The following RANBP2 variants were observed in gnomAD, a reference collection of about 807,000 sequenced individuals.
The protein encoded by RANBP2 is RAN binding protein 2.
Under a neutral mutation model 303.6 loss-of-function variants are expected in RANBP2, and 57 were observed. The observed-to-expected ratio is 0.19, with a 90% CI of 0.15 to 0.23. The LOEUF is 0.23. Among genes scored for constraint, RANBP2 ranks in the 10% least tolerant of loss-of-function variants. The pLI, the probability that RANBP2 is intolerant of heterozygous loss-of-function variation, is 1.00. For synonymous variants in RANBP2, 1,167 were observed against 1,301.5 expected (o/e 0.90, Z 2.23); for missense variants, 3,138 against 3,780.8 (o/e 0.83, Z 4.46).
At chr2:109,501,320 T>G in the RANBP2 span, among the ~76,000 whole-genome samples, 1 of 152,124 alleles carries the variant, frequency 6.6e-6, no homozygotes, top group Non-Finnish European at 1.5e-5. Context: ...TTAAATTTTT[T>G]TTATTAAAAA....
the RANBP2 span, among the ~76,000 whole-genome samples, chr2:108,894,139 A>ATGAC: frequency 3.3e-5 from 5 of 152,190 alleles, no homozygotes; most frequent in Middle Eastern, 3.2e-3. Context: ...ATGATAATAA[A>ATGAC]TGACTGTTGC....
chr2:109,200,399 C>T, the RANBP2 span, among the ~76,000 whole-genome samples: 1 of 152,182 alleles, frequency 6.6e-6, no homozygotes, highest in Non-Finnish European at 1.5e-5. Flanking sequence ...CCTTGTCTTT[C>T]TCTCTTTCCC....
chr2:108,928,292 T>C, the RANBP2 span, among the ~76,000 whole-genome samples: 1 of 152,092 alleles, frequency 6.6e-6, no homozygotes, highest in Non-Finnish European at 1.5e-5. Context: ...GCCTAACTCA[T>C]CCAGGCATCA....
the RANBP2 span, among the ~76,000 whole-genome samples, chr2:109,195,768 T>G: frequency 6.6e-6 from 1 of 152,222 alleles, no homozygotes; most frequent in Non-Finnish European, 1.5e-5. Context: ...GCCTTTGGAC[T>G]TCCTGTGGGT....
the RANBP2 span, among the ~76,000 whole-genome samples, chr2:108,969,073 ACAGT>A: frequency 6.6e-6 from 1 of 152,174 alleles, no homozygotes; most frequent in African/African-American, 2.4e-5. Flanking sequence ...TCCCTGATGC[ACAGT>A]CAGTTTACGT....
chr2:109,709,504 C>G, the RANBP2 span, among the ~76,000 whole-genome samples: 181 of 152,284 alleles, frequency 1.2e-3, no homozygotes, highest in African/African-American at 4.2e-3. Context: ...CTTTGCAATC[C>G]TGCTGCCCCT....
At chr2:109,064,458 AAAAAAAAAAAAAAC>A in the RANBP2 span, among the ~76,000 whole-genome samples, 1 of 146,646 alleles carries the variant, frequency 6.8e-6, no homozygotes, top group Non-Finnish European at 1.5e-5. Flanking sequence ...TCTGTCTCAA[AAAAAAAAAAAAAAC>A]AAAAACAAAC....
chr2:109,607,497 TAAAC>T, the RANBP2 span, among the ~76,000 whole-genome samples: 1 of 152,036 alleles, frequency 6.6e-6, no homozygotes, highest in African/African-American at 2.4e-5. Context: ...AATAAATAAA[TAAAC>T]AAATGGTCTG....
chr2:109,642,427 T>G, the RANBP2 span, among the ~76,000 whole-genome samples: 4 of 152,140 alleles, frequency 2.6e-5, no homozygotes, highest in Admixed American at 2.6e-4. Flanking sequence ...ATAACCTAGA[T>G]GGATAGGAAA....
chr2:109,156,375 T>C, the RANBP2 span, among the ~76,000 whole-genome samples: 1 of 152,196 alleles, frequency 6.6e-6, no homozygotes, highest in African/African-American at 2.4e-5. Flanking sequence ...GAGAAGGAAG[T>C]ATCCACTCGG....
At chr2:109,528,548 G>C in the RANBP2 span, among the ~76,000 whole-genome samples, 1 of 152,142 alleles carries the variant, frequency 6.6e-6, no homozygotes, top group Non-Finnish European at 1.5e-5. Flanking sequence ...CTGCGGCTTA[G>C]AACAGTAACT....
chr2:109,369,135 G>A, the RANBP2 span, among the ~76,000 whole-genome samples: 10 of 151,964 alleles, frequency 6.6e-5, no homozygotes, highest in Non-Finnish European at 2.9e-5. Context: ...ACGAGGTCAG[G>A]GGATCGAGAC....
At chr2:109,521,622 ATT>A in the RANBP2 span, among the ~76,000 whole-genome samples, 2 of 152,146 alleles carry the variant, frequency 1.3e-5, no homozygotes, top group Non-Finnish European at 1.5e-5. Flanking sequence ...ACAGTGTTCT[ATT>A]TATTTCCACC....
chr2:108,918,219 G>T, the RANBP2 span, among the ~76,000 whole-genome samples: 1 of 152,164 alleles, frequency 6.6e-6, no homozygotes, highest in East Asian at 1.9e-4. Context: ...GCAGCCCTGT[G>T]CAGCCCCCAG....
chr2:109,377,575 A>T, the RANBP2 span, among the ~76,000 whole-genome samples: 1 of 152,218 alleles, frequency 6.6e-6, no homozygotes. Flanking sequence ...AAAATTGTGG[A>T]TGGAATGCTG....
the RANBP2 span, among the ~76,000 whole-genome samples, chr2:109,059,444 G>A: frequency 6.6e-6 from 1 of 152,124 alleles, no homozygotes; most frequent in South Asian, 2.1e-4. Context: ...GTGTGGCGGT[G>A]GGTGCCTGTA....
the RANBP2 span, among the ~76,000 whole-genome samples, chr2:109,412,822 G>T: frequency 6.6e-6 from 1 of 152,230 alleles, no homozygotes; most frequent in Non-Finnish European, 1.5e-5. Context: ...TTATGGTTTG[G>T]TATGTAAGTT....
the RANBP2 span, chr2:109,732,821 G>C: frequency 7.9e-7 from 1 of 1,272,378 alleles, no homozygotes; most frequent in East Asian, 2.4e-5. Context: ...TGTGTGGGTT[G>C]CTAGAAACCC....
chr2:109,060,653 C>G, the RANBP2 span, among the ~76,000 whole-genome samples: 1 of 152,200 alleles, frequency 6.6e-6, no homozygotes, highest in Admixed American at 6.5e-5. Flanking sequence ...CAAGATGGCT[C>G]TCCCGAGGCA....
Sources: gnomAD v4.1 joint callset for allele counts (sites outside exome capture counted in the v4.1 genomes callset) on GRCh38, gnomAD v4.1.1 for gene constraint, MANE v1.5 for transcripts, NCBI Gene and HGNC (gene_info 2026-07-23, HGNC 2026-07-21) for gene names.